The following SPATA16 variants were observed in gnomAD, a reference collection of about 807,000 sequenced individuals.
SPATA16 encodes spermatogenesis-associated protein 16.
SPATA16 carries 36 observed loss-of-function variants against 63.3 expected under a neutral mutation model. That is an observed-to-expected ratio of 0.57 (90% CI 0.44 to 0.75). The LOEUF (loss-of-function observed/expected upper bound fraction) is 0.75. Among genes scored for constraint, SPATA16 ranks in the 30% least tolerant of loss-of-function variants. The pLI is 0.00. For synonymous variants in SPATA16, 203 were observed against 216.7 expected (o/e 0.94, Z 0.56); for missense variants, 646 against 679.3 (o/e 0.95, Z 0.54).
At chr3:173,119,663 A>T (rs1038592665) in intron 1 of SPATA16, among the ~76,000 whole-genome samples, 1 of 152,220 alleles carries the variant, frequency 6.6e-6, no homozygotes, top group Non-Finnish European at 1.5e-5. Context: ...TAAGTTTGAA[A>T]TTTTAACCAG....
At chr3:172,937,620 C>A (rs193142564) in intron 6 of SPATA16, among the ~76,000 whole-genome samples, 2 of 152,138 alleles carry the variant, frequency 1.3e-5, no homozygotes, top group Non-Finnish European at 2.9e-5. Context: ...TCTCTGATTA[C>A]TAAGAAGGTG....
At chr3:172,907,174 A>C (rs1272979513) in intron 10 of SPATA16, among the ~76,000 whole-genome samples, 1 of 152,180 alleles carries the variant, frequency 6.6e-6, no homozygotes, top group Non-Finnish European at 1.5e-5. Flanking sequence ...ACTGCAGAGA[A>C]AGGAAGTGGC....
intron 4 of SPATA16, among the ~76,000 whole-genome samples, chr3:173,008,237 C>T (rs1486063432): frequency 2.0e-5 from 3 of 152,054 alleles, no homozygotes; most frequent in African/African-American, 7.2e-5. Context: ...TGCCGAATGA[C>T]CAGTTTGTCA....
At chr3:172,977,604 G>A (rs558178056) in intron 4 of SPATA16, among the ~76,000 whole-genome samples, 38 of 152,212 alleles carry the variant, frequency 2.5e-4, no homozygotes, top group Admixed American at 2.4e-3. Flanking sequence ...AATGTCTAGT[G>A]TGTAGACTTT....
chr3:173,059,483 T>C (rs1736325212), intron 2 of SPATA16, among the ~76,000 whole-genome samples: 1 of 151,988 alleles, frequency 6.6e-6, no homozygotes, highest in African/African-American at 2.4e-5. Flanking sequence ...TTTTCTTATA[T>C]ATAAATTTGT....
At chr3:173,088,008 GTCTTTCTTTCTTTCTT>G (rs57997275) in intron 2 of SPATA16, among the ~76,000 whole-genome samples, 2,822 of 90,774 alleles carry the variant, frequency 0.031, 66 homozygotes, top group East Asian at 0.059. Context: ...TTTTCTTTCC[GTCTTTCTTTCTTTCTT>G]TCTTTCTTTC....
At chr3:173,040,977 C>A (rs762529876) in intron 3 of SPATA16, among the ~76,000 whole-genome samples, 1 of 152,116 alleles carries the variant, frequency 6.6e-6, no homozygotes, top group Non-Finnish European at 1.5e-5. Context: ...GAAGTATAAT[C>A]TTTGCCCTTT....
intron 10 of SPATA16, among the ~76,000 whole-genome samples, chr3:172,912,345 C>T (rs1560064602): frequency 6.6e-6 from 1 of 152,164 alleles, no homozygotes; most frequent in Admixed American, 6.5e-5. Flanking sequence ...ACCATACAGG[C>T]AAGAGCTGTG....
Position 173,117,289 on chromosome 3 carries a change from C to T in SPATA16, c.443G>A (p.Ser148Asn). 6.2e-7 allele frequency: 1 copy of T among 1,614,178 alleles called. No individual in the cohort carries two copies. The highest frequency in any genetic ancestry group is 1.1e-5 in the South Asian group (1 of 91,076). Residue 148 changes from serine (S) to asparagine (N), a missense_variant, in exon 2 of 11, where the codon AGT becomes AAT. Ser to Asn is a conservative substitution (Grantham distance 46, BLOSUM62 1). Transcript: ENST00000351008. The stretch of plus-strand genomic sequence containing the variant: ...TTCAGCAGCTTGGCATGTTGGCTGA[C>T]TCCCAGTAGACATGAAGGACTCTAC... The part of the protein sequence containing the change: ...EFVESFMSTG[S>N]QPTCQAAEIV...
chr3:173,057,237 G>C (rs1736257332), intron 2 of SPATA16, among the ~76,000 whole-genome samples: 1 of 151,194 alleles, frequency 6.6e-6, no homozygotes, highest in Admixed American at 6.6e-5. Context: ...TCAGCCTCCT[G>C]AGTAGCTGGG....
At chr3:173,000,120 G>T (rs1041786413) in intron 4 of SPATA16, among the ~76,000 whole-genome samples, 6 of 152,156 alleles carry the variant, frequency 3.9e-5, no homozygotes, top group African/African-American at 1.2e-4. Context: ...TCCAGAATGG[G>T]AATAATGTTT....
intron 2 of SPATA16, among the ~76,000 whole-genome samples, chr3:173,061,354 A>G (rs1239330752): frequency 6.6e-6 from 1 of 152,218 alleles, no homozygotes; most frequent in Admixed American, 6.5e-5. Context: ...TTGGGCATGC[A>G]ATGGATATAG....
intron 2 of SPATA16, among the ~76,000 whole-genome samples, chr3:173,085,401 G>A (rs1402844806): frequency 2.0e-5 from 3 of 152,070 alleles, no homozygotes; most frequent in South Asian, 2.1e-4. Flanking sequence ...ATCAGTTTAA[G>A]GAATTTTTGG....
chr3:172,889,552 G>A lies in SPATA16; in HGVS notation c.*18C>T, dbSNP rs751286149. 40 of 1,613,216 alleles carry A rather than the reference G, an allele frequency of 2.5e-5. No individual in the cohort carries two copies. The highest frequency in any genetic ancestry group is 3.4e-5 in the Non-Finnish European group (40 of 1,179,780). On this transcript the variant is annotated 3_prime_UTR_variant, in exon 11 of 11. Transcript: ENST00000351008. ...CTTCTTCTGGGATATCTTAGTGGTA[G>A]TGCCTGCTCCCTAATGACTACCTTT...
At chr3:173,100,279 C>A (rs749425409) in intron 2 of SPATA16, among the ~76,000 whole-genome samples, 2 of 151,994 alleles carry the variant, frequency 1.3e-5, no homozygotes, top group African/African-American at 4.8e-5. Flanking sequence ...TTTTCATAAC[C>A]CAAATAAGTA....
rs4894441 is a variant in SPATA16, at chr3:173,030,582, G to A, written c.759-11007C>T. Among the ~76,000 whole-genome samples the A allele has an allele frequency of 1.0e-3, 154 of 152,190 alleles. 1 individual carries two copies. Among genetic ancestry groups the A allele is most frequent in the South Asian group, 1.7e-3 (8 of 4,830 alleles). On this transcript the variant is annotated intron_variant, in intron 3 of 10. Transcript: ENST00000351008. ...TATAAAAAATCAGAAATAAAAAAGT[G>A]TTGGCAAGGATGTGGAGAAATTAGA...
chr3:172,943,258 C>G (rs9827604), intron 6 of SPATA16, among the ~76,000 whole-genome samples: 13,269 of 152,076 alleles, frequency 0.087, 1,915 homozygotes, highest in African/African-American at 0.3. Flanking sequence ...TAAACGACAA[C>G]TTTTAAACCT....
chr3:172,899,803 A>G (rs1251812776), intron 10 of SPATA16, among the ~76,000 whole-genome samples: 1 of 152,002 alleles, frequency 6.6e-6, no homozygotes, highest in Admixed American at 6.6e-5. Flanking sequence ...TTTGCTCTAG[A>G]TATTACATGT....
At chr3:173,008,116 A>G (rs1734984938) in intron 4 of SPATA16, among the ~76,000 whole-genome samples, 1 of 152,142 alleles carries the variant, frequency 6.6e-6, no homozygotes, top group South Asian at 2.1e-4. Context: ...TGAGACATTA[A>G]ACTACAGGAT....
Sources: allele counts gnomAD v4.1 joint callset (sites outside exome capture counted in the v4.1 genomes callset), GRCh38; gene constraint gnomAD v4.1.1; transcripts MANE v1.5; gene names NCBI Gene and HGNC (gene_info 2026-07-23, HGNC 2026-07-21).